DYNC2H1: variants seen among roughly 807,000 people sequenced by gnomAD.
DYNC2H1 encodes the protein cytoplasmic dynein 2 heavy chain 1.
DYNC2H1 carries 410 observed loss-of-function variants against 570.0 expected under a neutral mutation model. The observed-to-expected ratio is 0.72, with a 90% CI of 0.66 to 0.78. The LOEUF (loss-of-function observed/expected upper bound fraction) is 0.78. DYNC2H1 is among the 30% of genes least tolerant of loss of function. The probability of loss-of-function intolerance (pLI) is 0.00; values close to 1 mark genes in which losing one functional copy is unlikely to be tolerated. For missense variants in DYNC2H1, 4,865 were observed against 5,046.4 expected, an observed-to-expected ratio of 0.96 and a Z score of 1.09; for synonymous variants, 1,688 against 1,677.6, an observed-to-expected ratio of 1.01 and a Z score of -0.15.
chr11:103,300,136 T>A (rs1866988943), intron 75 of DYNC2H1, among the ~76,000 whole-genome samples: 4 of 152,042 alleles, frequency 2.6e-5, no homozygotes. Flanking sequence ...TTTTGATAAT[T>A]TGCCACTTTC....
chr11:103,222,136 G>A lies in DYNC2H1; in HGVS notation c.9214G>A (p.Gly3072Ser). Residue 3072 changes from glycine to serine, a missense_variant, in exon 58 of 89, where the codon GGC (glycine) becomes AGC (serine). Gly to Ser is a moderately conservative substitution (Grantham distance 56, BLOSUM62 0). Transcript: ENST00000375735. ...TGAAGAACTTCTTTTTAAAAATAAA[G>A]GCTCTTTTGATCCAAAGGTAATTTT... is the stretch of plus-strand genomic sequence containing the variant. ...SVEELLFKNK[G>S]SFDPKNAKRA... 1.3e-6 allele frequency: 2 copies of A among 1,568,278 alleles called. No homozygotes were observed. Among genetic ancestry groups the A allele is most frequent in the Non-Finnish European group, 1.7e-6 (2 of 1,153,792 alleles).
intron 83 of DYNC2H1, among the ~76,000 whole-genome samples, chr11:103,362,333 C>CTT (rs1230736946): frequency 8.0e-5 from 2 of 25,124 alleles, no homozygotes; most frequent in South Asian, 1.3e-3. Context: ...TTTTTTTTTT[C>CTT]TTTTTTTTTT....
At chr11:103,458,620 TATG>T (rs2135815604) in intron 87 of DYNC2H1, among the ~76,000 whole-genome samples, 1 of 152,290 alleles carries the variant, frequency 6.6e-6, no homozygotes, top group African/African-American at 2.4e-5. Context: ...AAAAGCCACT[TATG>T]ATGATCTATT....
rs1476343468 is a variant in DYNC2H1 at position 103,115,596 on chromosome 11, G to A, written c.621+301G>A. ...GTGGATCACTTGAGGTCAGGAGTTC[G>A]AGACCAGCCTGGCCAACACGGTGAA... On this transcript the variant is annotated intron_variant, in intron 4 of 88. Coordinates refer to ENST00000375735, the MANE Select transcript of DYNC2H1 (RefSeq NM_001377.3). Among the ~76,000 whole-genome samples, 4 of 152,036 alleles carry A rather than the reference G, an allele frequency of 2.6e-5. 1 individual carries two copies. The highest frequency in any genetic ancestry group is 2.0e-4 in the Admixed American group (3 of 15,266).
At chr11:103,455,361 C>G in intron 86 of DYNC2H1, 66 bp downstream of exon 86, 1 of 1,194,356 alleles carries the variant, frequency 8.4e-7, no homozygotes, top group Non-Finnish European at 1.2e-6. Flanking sequence ...TATTGACTTC[C>G]TATTACACTG....
At chr11:103,253,941 A>G (rs1864941043) in intron 66 of DYNC2H1, among the ~76,000 whole-genome samples, 1 of 152,024 alleles carries the variant, frequency 6.6e-6, no homozygotes, top group Admixed American at 6.6e-5. Flanking sequence ...TTTCAAAATG[A>G]TTTTTCATGT....
Position 103,181,983 on chromosome 11 carries a change from T to C in DYNC2H1, c.6477+97T>C. The C allele has an allele frequency of 7.2e-7, 1 of 1,381,100 alleles. No homozygotes were observed. Among genetic ancestry groups the C allele is most frequent in the Non-Finnish European group, 9.8e-7 (1 of 1,016,098 alleles). The allele number at this position is 1,381,100 out of a possible 1,614,324, so 85.6% of individuals were successfully genotyped here. On this transcript the variant is annotated intron_variant, in intron 40 of 88. Transcript: ENST00000375735. The surrounding 1 kb of genome is among the most constrained non-coding windows in gnomAD (Gnocchi z 5.0). ...TCCTTGTGGTAGAACTCTGCTGGAA[T>C]GTGGGTGTGAGGTGAGAGGTGGATT... is the stretch of plus-strand genomic sequence containing the variant.
At chr11:103,220,081 T>C in intron 56 of DYNC2H1, 53 bp downstream of exon 56, 1 of 1,017,172 alleles carries the variant, frequency 9.8e-7, no homozygotes, top group Non-Finnish European at 1.4e-6. Flanking sequence ...ACCAGTTATA[T>C]GTAGGAATTT....
chr11:103,347,507 A>G (rs1306453536), intron 82 of DYNC2H1, among the ~76,000 whole-genome samples: 1 of 143,368 alleles, frequency 7.0e-6, no homozygotes, highest in Non-Finnish European at 1.5e-5. Context: ...TAAAACGCTT[A>G]AGGAATAAAA....
chr11:103,457,973 T>G (rs1315218786), intron 87 of DYNC2H1, among the ~76,000 whole-genome samples: 1 of 152,248 alleles, frequency 6.6e-6, no homozygotes, highest in East Asian at 1.9e-4. Flanking sequence ...AATAAAAAGT[T>G]ACAGTAAGCT....
chr11:103,118,518 T>G (rs564261032), intron 6 of DYNC2H1, among the ~76,000 whole-genome samples: 1 of 151,386 alleles, frequency 6.6e-6, no homozygotes, highest in East Asian at 1.9e-4. Flanking sequence ...TCTCTTAACC[T>G]TTTTTTTTAA....
intron 86 of DYNC2H1, among the ~76,000 whole-genome samples, chr11:103,455,750 C>CTA (rs1421169043): frequency 6.6e-6 from 1 of 152,076 alleles, no homozygotes; most frequent in Non-Finnish European, 1.5e-5. Flanking sequence ...ACAGTGCTGA[C>CTA]TAGGCTCCTT....
At chr11:103,400,952 G>GT (rs1289711725) in intron 84 of DYNC2H1, among the ~76,000 whole-genome samples, 1 of 151,970 alleles carries the variant, frequency 6.6e-6, no homozygotes, top group Non-Finnish European at 1.5e-5. Flanking sequence ...AAATACTATA[G>GT]TTTTGATTTG....
chr11:103,121,484 G>A lies in DYNC2H1; in HGVS notation c.1473G>A (p.Gln491=). Residue 491 remains glutamine, a synonymous_variant, in exon 10 of 89, where the codon CAG becomes CAA. Transcript: ENST00000375735. The part of the protein sequence containing the change: ...EVVNSIVWVR[Q]LELKVDDTIK... ...TCAACAGTATAGTTTGGGTTCGCCA[G>A]TTGGAATTGAAGGTATTTATTTTAA... 6.2e-7 allele frequency: 1 copy of A among 1,612,328 alleles called. No homozygotes were observed. The highest frequency in any genetic ancestry group is 8.5e-7 in the Non-Finnish European group (1 of 1,179,158).
intron 78 of DYNC2H1, among the ~76,000 whole-genome samples, chr11:103,310,694 TTTTTG>T (rs1353339947): frequency 2.2e-5 from 2 of 90,870 alleles, no homozygotes; most frequent in Non-Finnish European, 4.1e-5. Flanking sequence ...TTTTTTTTTT[TTTTTG>T]GGAGACTGAG....
chr11:103,357,302 A>G (rs1460385745), intron 82 of DYNC2H1, among the ~76,000 whole-genome samples: 1 of 152,182 alleles, frequency 6.6e-6, no homozygotes, highest in African/African-American at 2.4e-5. Context: ...AGGACATTAT[A>G]GAAGTGAAAG....
rs1860168824 is a variant in DYNC2H1, at chr11:103,145,013, T to C, written c.2702+1618T>C. On this transcript the variant is annotated intron_variant, in intron 18 of 88. Transcript: ENST00000375735. The surrounding 1 kb of genome is among the most constrained non-coding windows in gnomAD (Gnocchi z 4.2). The stretch of plus-strand genomic sequence containing the variant: ...CCCCTGCCTCAGCCTCCTGAGTAGC[T>C]GGGACTACAGGCACGTGCCACCACG... 1.3e-5 allele frequency among the ~76,000 whole-genome samples: 2 copies of C among 152,118 alleles called. No individual in the cohort carries two copies. The highest frequency in any genetic ancestry group is 2.9e-5 in the Non-Finnish European group (2 of 68,028).
At chr11:103,140,467 A>C (rs1311329966) in intron 17 of DYNC2H1, among the ~76,000 whole-genome samples, 5 of 152,082 alleles carry the variant, frequency 3.3e-5, no homozygotes, top group African/African-American at 2.4e-5. Flanking sequence ...TCCTTCACTT[A>C]TGAAGCTTAG....
chr11:103,437,294 C>T (rs1944097889), intron 85 of DYNC2H1, among the ~76,000 whole-genome samples: 1 of 152,110 alleles, frequency 6.6e-6, no homozygotes. Flanking sequence ...ATTGAAAGCT[C>T]ATCCCTAGAC....
Sources: gnomAD v4.1 joint callset for allele counts (sites outside exome capture counted in the v4.1 genomes callset) on GRCh38, gnomAD v4.1.1 for gene constraint, Gnocchi (gnomAD v3.1) non-coding constraint, MANE v1.5 for transcripts, NCBI Gene and HGNC (gene_info 2026-07-23, HGNC 2026-07-21) for gene names.